EYS: variants seen among roughly 807,000 people sequenced by gnomAD.
EYS encodes the protein EGF-like photoreceptor maintenance factor.
Under a neutral mutation model 282.1 loss-of-function variants are expected in EYS, and 250 were observed. That is an observed-to-expected ratio of 0.89 (90% CI 0.80 to 0.98). The LOEUF is 0.98. Ranked by LOEUF, EYS falls within the 50% of genes least tolerant of loss-of-function variation. The pLI is 0.00. For missense variants in EYS, 4,016 were observed against 3,709.0 expected, an observed-to-expected ratio of 1.08 and a Z score of -2.15; for synonymous variants, 1,355 against 1,282.9, an observed-to-expected ratio of 1.06 and a Z score of -1.20.
At chr6:64,796,192 A>G (rs1429789701) in intron 22 of EYS, among the ~76,000 whole-genome samples, 1 of 152,198 alleles carries the variant, frequency 6.6e-6, no homozygotes, top group East Asian at 1.9e-4. Flanking sequence ...TGTTTGCCCA[A>G]TCATAGAAGA....
intron 12 of EYS, among the ~76,000 whole-genome samples, chr6:65,271,074 C>T (rs890410416): frequency 1.2e-4 from 16 of 133,170 alleles, no homozygotes; most frequent in South Asian, 7.3e-4. Context: ...AACATCCCAC[C>T]GTCTCGATAC....
intron 28 of EYS, among the ~76,000 whole-genome samples, chr6:64,416,951 G>C (rs1774076002): frequency 6.6e-6 from 1 of 152,146 alleles, no homozygotes; most frequent in African/African-American, 2.4e-5. Flanking sequence ...AAACTGAGAA[G>C]TTGTGGGACT....
chr6:65,337,601 A>G (rs1770037403), intron 10 of EYS, among the ~76,000 whole-genome samples: 2 of 151,068 alleles, frequency 1.3e-5, no homozygotes, highest in African/African-American at 4.8e-5. Flanking sequence ...CTTTTCTTTA[A>G]AAAAAGAGAA....
intron 31 of EYS, among the ~76,000 whole-genome samples, chr6:64,102,611 A>G (rs1209442573): frequency 1.3e-5 from 2 of 152,282 alleles, no homozygotes; most frequent in African/African-American, 4.8e-5. Context: ...TACTACATCA[A>G]GTATTTGTAT....
intron 12 of EYS, among the ~76,000 whole-genome samples, chr6:65,252,427 G>C (rs1344846611): frequency 6.6e-6 from 1 of 151,932 alleles, no homozygotes; most frequent in Non-Finnish European, 1.5e-5. Context: ...TTGGAGACAA[G>C]GCTCAGGGAA....
intron 1 of EYS, among the ~76,000 whole-genome samples, chr6:65,698,039 T>C (rs1769517964): frequency 6.6e-6 from 1 of 152,116 alleles, no homozygotes; most frequent in African/African-American, 2.4e-5. Context: ...TCAGGTAATA[T>C]TTATGTGTGT....
At chr6:65,451,831 T>C (rs9351499) in intron 5 of EYS, among the ~76,000 whole-genome samples, 28,136 of 151,872 alleles carry the variant, frequency 0.19, 3,250 homozygotes, top group Middle Eastern at 0.29. Context: ...TCTTTATAAA[T>C]ATTGATTCCA....
At chr6:64,503,100 C>A (rs1433536826) in intron 26 of EYS, among the ~76,000 whole-genome samples, 1 of 152,212 alleles carries the variant, frequency 6.6e-6, no homozygotes, top group African/African-American at 2.4e-5. Context: ...TGTCAAGACA[C>A]AACATACACA....
At chr6:63,861,202 T>C (rs1055466295) in intron 36 of EYS, among the ~76,000 whole-genome samples, 2 of 142,042 alleles carry the variant, frequency 1.4e-5, no homozygotes, top group East Asian at 4.3e-4. Flanking sequence ...TATGCCTCTA[T>C]TCTTTTTCAT....
intron 31 of EYS, among the ~76,000 whole-genome samples, chr6:64,210,266 A>G (rs910480854): frequency 6.6e-6 from 1 of 152,230 alleles, no homozygotes; most frequent in Non-Finnish European, 1.5e-5. Flanking sequence ...GTTATGTTAC[A>G]TAGACTGAGT....
intron 14 of EYS, among the ~76,000 whole-genome samples, chr6:64,955,718 C>T (rs970402422): frequency 6.6e-6 from 1 of 152,178 alleles, no homozygotes; most frequent in Non-Finnish European, 1.5e-5. Flanking sequence ...CTATGGTCTA[C>T]TCCAGATATG....
At chr6:63,913,561 T>C (rs1764335404) in intron 35 of EYS, among the ~76,000 whole-genome samples, 1 of 152,234 alleles carries the variant, frequency 6.6e-6, no homozygotes, top group Non-Finnish European at 1.5e-5. Flanking sequence ...ATTTGTCTAA[T>C]TTGAAAATGT....
chr6:64,522,505 C>T (rs776434778), intron 26 of EYS, among the ~76,000 whole-genome samples: 12 of 151,578 alleles, frequency 7.9e-5, no homozygotes, highest in African/African-American at 1.2e-4. Context: ...AGGTGGTGTT[C>T]GAAGACAAAT....
At chr6:64,864,154 C>G (rs1766338048) in intron 19 of EYS, among the ~76,000 whole-genome samples, 1 of 151,830 alleles carries the variant, frequency 6.6e-6, no homozygotes, top group African/African-American at 2.4e-5. Flanking sequence ...CAATTGGATC[C>G]AAAAGTCTGG....
intron 30 of EYS, among the ~76,000 whole-genome samples, chr6:64,264,444 G>A (rs541011081): frequency 6.6e-6 from 1 of 152,258 alleles, no homozygotes; most frequent in South Asian, 2.1e-4. Context: ...AGGCTAGCCA[G>A]TGCTTGTTTA....
rs149866398 is a variant in EYS at position 64,405,194 on chromosome 6, C to G, written c.5928-16354G>C. On this transcript the variant is annotated intron_variant, in intron 28 of 42. Coordinates refer to ENST00000503581, the MANE Select transcript of EYS (RefSeq NM_001142800.2). ...TTCAGTTTTCACATCCATGAAGTGACATGTCTAAAGTTATTGCTAAAAATG... is the reference window on the plus strand; with the variant it reads ...TTCAGTTTTCACATCCATGAAGTGAGATGTCTAAAGTTATTGCTAAAAATG... Among the ~76,000 whole-genome samples the G allele has an allele frequency of 8.6e-3, 1,314 of 152,170 alleles. 27 individuals are homozygous for G. Among genetic ancestry groups the G allele is most frequent in the African/African-American group, 0.029 (1,204 of 41,516 alleles).
At chr6:63,779,079 T>C (rs907322055) in intron 39 of EYS, 2 of 152,002 alleles carry the variant, frequency 1.3e-5, no homozygotes, top group African/African-American at 4.8e-5. Flanking sequence ...TAGTTTTTTT[T>C]TTTTTTAGGT....
In EYS at chr6:65,345,104, C is replaced by G. The variant is rs753444801; in HGVS notation, c.1460-927G>C. 2.0e-5 allele frequency among the ~76,000 whole-genome samples: 3 copies of G among 151,436 alleles called. No individual in the cohort carries two copies. In the South Asian group the frequency reaches 6.2e-4, roughly 31 times the overall value. On this transcript the variant is annotated intron_variant, in intron 9 of 42. Transcript: ENST00000503581. The stretch of plus-strand genomic sequence containing the variant: ...GATTCATAAACTGACATCTCCCTAC[C>G]GTGTGAATATTTCACCAAGAAATCT...
chr6:64,866,610 T>C (rs1766433003), intron 19 of EYS, among the ~76,000 whole-genome samples: 1 of 151,802 alleles, frequency 6.6e-6, no homozygotes, highest in Admixed American at 6.6e-5. Context: ...AAACTGTTTT[T>C]TATTTTTTAG....
Sources: allele counts gnomAD v4.1 joint callset (sites outside exome capture counted in the v4.1 genomes callset), GRCh38; gene constraint gnomAD v4.1.1; transcripts MANE v1.5; gene names NCBI Gene and HGNC (gene_info 2026-07-23, HGNC 2026-07-21).